The following STARD13 variants were observed in gnomAD, a reference collection of about 807,000 sequenced individuals.
The protein encoded by STARD13 is stAR-related lipid transfer protein 13.
Under a neutral mutation model 106.4 loss-of-function variants are expected in STARD13, and 62 were observed. The observed-to-expected ratio is 0.58, with a 90% CI of 0.48 to 0.72. The LOEUF (loss-of-function observed/expected upper bound fraction) is 0.72. Among genes scored for constraint, STARD13 ranks in the 30% least tolerant of loss-of-function variants. The pLI is 0.00. For synonymous variants in STARD13, 565 were observed against 553.0 expected (o/e 1.02, Z -0.31); for missense variants, 1,387 against 1,424.0 (o/e 0.97, Z 0.42).
chr13:33,301,584 T>C (rs1324441785), intron 1 of STARD13, among the ~76,000 whole-genome samples: 5 of 128,452 alleles, frequency 3.9e-5, no homozygotes, highest in African/African-American at 1.1e-4. Flanking sequence ...TTTTTTTTTT[T>C]TGAGACGGAG....
At chr13:33,265,968 A>C (rs948157366) in intron 1 of STARD13, among the ~76,000 whole-genome samples, 12 of 152,238 alleles carry the variant, frequency 7.9e-5, no homozygotes, top group African/African-American at 2.4e-4. Flanking sequence ...AACATTGTCC[A>C]TCCCGAAAAG....
chr13:33,602,173 C>G, the STARD13 span, among the ~76,000 whole-genome samples: 1 of 150,760 alleles, frequency 6.6e-6, no homozygotes, highest in Non-Finnish European at 1.5e-5. Flanking sequence ...CTCGCTGCAA[C>G]CTCTGCCTCC....
chr13:33,597,886 A>C, the STARD13 span, among the ~76,000 whole-genome samples: 2 of 152,210 alleles, frequency 1.3e-5, no homozygotes, highest in South Asian at 4.2e-4. Context: ...TTTTGTCTTC[A>C]AGACACTCAA....
At chr13:33,338,790 C>G (rs1011807760) in intron 1 of STARD13, among the ~76,000 whole-genome samples, 2 of 149,040 alleles carry the variant, frequency 1.3e-5, no homozygotes, top group Non-Finnish European at 3.0e-5. Context: ...GATGCTGAGG[C>G]AGGAGAATTG....
At chr13:33,418,374 C>T in the STARD13 span, among the ~76,000 whole-genome samples, 3 of 152,210 alleles carry the variant, frequency 2.0e-5, no homozygotes, top group Non-Finnish European at 2.9e-5. Context: ...AAGGCTGCAG[C>T]TGGGCAAGGG....
chr13:33,528,668 G>T, the STARD13 span, among the ~76,000 whole-genome samples: 2 of 151,998 alleles, frequency 1.3e-5, no homozygotes, highest in African/African-American at 4.8e-5. Flanking sequence ...TGCTAAATTA[G>T]CAAGAAAGAC....
chr13:33,617,606 T>C, the STARD13 span, among the ~76,000 whole-genome samples: 16 of 152,164 alleles, frequency 1.1e-4, no homozygotes, highest in Admixed American at 8.5e-4. Context: ...CCCAACTGAT[T>C]AGTAACCTGA....
chr13:33,236,766 T>C (rs1467876873), intron 1 of STARD13, among the ~76,000 whole-genome samples: 2 of 152,220 alleles, frequency 1.3e-5, no homozygotes, highest in Non-Finnish European at 2.9e-5. Context: ...GTGAGGACAG[T>C]GCGTTACAAC....
At chr13:33,230,336 C>T (rs1888851884) in intron 1 of STARD13, among the ~76,000 whole-genome samples, 1 of 152,146 alleles carries the variant, frequency 6.6e-6, no homozygotes, top group South Asian at 2.1e-4. Flanking sequence ...GCACATCCTA[C>T]CTTGGTTAGA....
In STARD13 at chr13:33,112,803, G is replaced by C. The variant is rs1231618946; in HGVS notation, c.2410C>G (p.Gln804Glu). The change falls in exon 9 of 14, where the codon CAG becomes GAG. Residue 804 changes from glutamine to glutamate, a missense_variant. Coordinates refer to ENST00000336934, the MANE Select transcript of STARD13 (RefSeq NM_178006.4). ...NDVVNLVEEN[Q>E]MTPMNLAVCL... ...ACTGCCAGGTTCATGGGCGTCATCT[G>C]ATTCTCTTCCACCAAGTTGACGACG... 5.6e-6 allele frequency: 9 copies of C among 1,613,990 alleles called. No homozygotes were observed. The South Asian group carries it at 9.9e-5, about 18-fold the overall frequency.
chr13:33,542,776 C>T, the STARD13 span, among the ~76,000 whole-genome samples: 1 of 152,346 alleles, frequency 6.6e-6, no homozygotes, highest in Admixed American at 6.5e-5. Context: ...GATCCGGTGA[C>T]GCCTCTTCCC....
At chr13:33,661,825 G>C in the STARD13 span, among the ~76,000 whole-genome samples, 1 of 151,946 alleles carries the variant, frequency 6.6e-6, no homozygotes, top group East Asian at 1.9e-4. Context: ...TATCAACTGG[G>C]GAGTGTACAT....
the STARD13 span, among the ~76,000 whole-genome samples, chr13:33,501,834 T>C: frequency 6.6e-6 from 1 of 152,212 alleles, no homozygotes; most frequent in East Asian, 1.9e-4. Context: ...TTTGTTCTTT[T>C]GGCTTAGGAT....
intron 8 of STARD13, among the ~76,000 whole-genome samples, chr13:33,115,601 G>T (rs538874): frequency 6.6e-6 from 1 of 151,972 alleles, no homozygotes; most frequent in Non-Finnish European, 1.5e-5. Flanking sequence ...CAGGGAAATG[G>T]GTGTCTCCCT....
chr13:33,293,516 T>C (rs1167442105), intron 1 of STARD13, among the ~76,000 whole-genome samples: 2 of 152,194 alleles, frequency 1.3e-5, no homozygotes, highest in African/African-American at 4.8e-5. Context: ...ATTCTAGGTT[T>C]TATTCTCTGG....
intron 3 of STARD13, chr13:33,155,731 A>G (rs1881872091): frequency 6.6e-6 from 1 of 152,212 alleles, no homozygotes. Context: ...GTTCCTGACT[A>G]TACCTCAAGC....
the STARD13 span, among the ~76,000 whole-genome samples, chr13:33,650,112 T>G: frequency 6.6e-6 from 1 of 150,646 alleles, no homozygotes; most frequent in Non-Finnish European, 1.5e-5. Context: ...GTCACTTTTT[T>G]ATTTGGCGGT....
At chr13:33,246,246 G>C (rs2138267830) in intron 1 of STARD13, among the ~76,000 whole-genome samples, 1 of 152,266 alleles carries the variant, frequency 6.6e-6, no homozygotes, top group Admixed American at 6.5e-5. Context: ...AAGGAGAAGT[G>C]ACTTAAGATG....
the STARD13 span, among the ~76,000 whole-genome samples, chr13:33,600,860 A>G: frequency 6.6e-6 from 1 of 152,046 alleles, no homozygotes; most frequent in Non-Finnish European, 1.5e-5. Context: ...TGCTCATTTT[A>G]AAGAAGAATA....
Sources: gnomAD v4.1 joint callset for allele counts (sites outside exome capture counted in the v4.1 genomes callset) on GRCh38, gnomAD v4.1.1 for gene constraint, MANE v1.5 for transcripts, NCBI Gene and HGNC (gene_info 2026-07-23, HGNC 2026-07-21) for gene names.